NOVA2: variants seen among roughly 807,000 people sequenced by gnomAD.
NOVA2 encodes NOVA alternative splicing regulator 2.
NOVA2 carries 9 observed loss-of-function variants against 22.5 expected under a neutral mutation model. The ratio of observed to expected loss-of-function variants is 0.40; its 90% CI spans 0.24 to 0.70. The LOEUF (loss-of-function observed/expected upper bound fraction) is 0.70. Ranked by LOEUF, NOVA2 falls within the 30% of genes least tolerant of loss-of-function variation. The pLI is 0.38. For synonymous variants in NOVA2, 318 were observed against 335.2 expected (o/e 0.95, Z 0.56); for missense variants, 383 against 682.8 (o/e 0.56, Z 4.89).
In NOVA2 at chr19:45,939,828, A is replaced by C. The variant is rs769508580; in HGVS notation, c.*35T>G. 4 of 1,611,664 alleles carry C rather than the reference A, an allele frequency of 2.5e-6. No homozygotes were observed. The Admixed American group carries it at 6.7e-5, about 27-fold the overall frequency. ...AGGAGAGGGAAGAGGAGGAGATGGGAGGAGAGAAAAGGGTGGGAGCACACA... is the reference window on the plus strand; with the variant it reads ...AGGAGAGGGAAGAGGAGGAGATGGGCGGAGAGAAAAGGGTGGGAGCACACA... On this transcript the variant is annotated 3_prime_UTR_variant, in exon 4 of 4. Transcript: ENST00000263257.
intron 3 of NOVA2, among the ~76,000 whole-genome samples, chr19:45,945,835 A>T (rs1441133951): frequency 1.4e-5 from 2 of 147,718 alleles, no homozygotes; most frequent in Non-Finnish European, 3.0e-5. Context: ...TATTATTATT[A>T]TTATTTTTTT....
intron 3 of NOVA2, among the ~76,000 whole-genome samples, chr19:45,953,053 G>C (rs1280802767): frequency 2.0e-5 from 3 of 152,202 alleles, no homozygotes; most frequent in Non-Finnish European, 2.9e-5. Flanking sequence ...GAGAGAAAAC[G>C]GGAGCCAGCC....
intron 3 of NOVA2, among the ~76,000 whole-genome samples, chr19:45,947,800 C>T (rs1305922007): frequency 6.6e-6 from 1 of 152,052 alleles, no homozygotes; most frequent in East Asian, 1.9e-4. Context: ...TGTTGGCAAT[C>T]TCTTAAAAAT....
intron 1 of NOVA2, among the ~76,000 whole-genome samples, chr19:45,964,645 C>T (rs1352685355): frequency 6.6e-6 from 1 of 151,222 alleles, no homozygotes; most frequent in East Asian, 1.9e-4. Context: ...ACTGCTGCCT[C>T]GACCTCCTGG....
At chr19:45,971,708 C>T (rs1459551177) in intron 1 of NOVA2, among the ~76,000 whole-genome samples, 1 of 152,146 alleles carries the variant, frequency 6.6e-6, no homozygotes, top group South Asian at 2.1e-4. Context: ...GAAGCCATCC[C>T]TCTCCCATCC....
At chr19:45,956,913 G>A (rs141148890) in intron 2 of NOVA2, among the ~76,000 whole-genome samples, 15 of 152,316 alleles carry the variant, frequency 9.8e-5, no homozygotes, top group African/African-American at 3.4e-4. Flanking sequence ...GAACCCAGGT[G>A]TCTGGCTTCA....
chr19:45,960,628 G>T (rs559565819), intron 2 of NOVA2, among the ~76,000 whole-genome samples: 29 of 151,880 alleles, frequency 1.9e-4, no homozygotes, highest in African/African-American at 6.3e-4. Flanking sequence ...AATTCCAAAG[G>T]GGGGAGCAAG....
chr19:45,936,822 G>C lies in NOVA2; in HGVS notation c.*3041C>G, dbSNP rs1967660339. ...CAAACACTTATTAAGCACCTACTGG[G>C]TGCTGAAGAGAAGGGTGCAAGGAGG... On this transcript the variant is annotated 3_prime_UTR_variant, in exon 4 of 4. Coordinates refer to ENST00000263257, the MANE Select transcript of NOVA2 (RefSeq NM_002516.4). 6.6e-6 allele frequency: 1 copy of C among 152,134 alleles called. No homozygotes were observed. The highest frequency in any genetic ancestry group is 2.4e-5 in the African/African-American group (1 of 41,400). 9.4% of individuals were successfully genotyped at this position (152,134 alleles called of 1,614,324 possible).
At chr19:45,958,678 TG>T (rs761895075) in intron 2 of NOVA2, among the ~76,000 whole-genome samples, 18 of 152,072 alleles carry the variant, frequency 1.2e-4, no homozygotes, top group Non-Finnish European at 2.6e-4. Context: ...TGTGAGTGTG[TG>T]TGCATGCTAA....
intron 2 of NOVA2, among the ~76,000 whole-genome samples, chr19:45,958,861 G>T (rs1366655724): frequency 6.6e-6 from 1 of 152,070 alleles, no homozygotes; most frequent in Non-Finnish European, 1.5e-5. Flanking sequence ...TGCTCTGGTC[G>T]TCTCTTCCAG....
At chr19:45,941,309 A>ATAT (rs1491549589) in intron 3 of NOVA2, among the ~76,000 whole-genome samples, 21 of 129,804 alleles carry the variant, frequency 1.6e-4, no homozygotes, top group African/African-American at 5.7e-4. Flanking sequence ...AAAATAAAAT[A>ATAT]ATATATATAT....
chr19:45,939,953 G>A lies in NOVA2; in HGVS notation c.1389C>T (p.Pro463=), dbSNP rs1322672609. 4 of 1,613,888 alleles carry A rather than the reference G, an allele frequency of 2.5e-6. No homozygotes were observed. The highest frequency in any genetic ancestry group is 2.2e-5 in the South Asian group (2 of 91,088). The change falls in exon 4 of 4, where the codon CCC becomes CCT. Residue 463 remains proline (P), a synonymous_variant. Transcript: ENST00000263257. ...RNRRVTITGS[P]AATQAAQYLI... ...GGTATTGAGCGGCTTGCGTGGCCGC[G>A]GGGCTGCCCGTGATGGTGACCCGCC...
chr19:45,941,564 G>A (rs1479752620), intron 3 of NOVA2, among the ~76,000 whole-genome samples: 1 of 151,880 alleles, frequency 6.6e-6, no homozygotes, highest in Admixed American at 6.6e-5. Flanking sequence ...ATGGCCTTTT[G>A]ATATGCACCA....
At chr19:45,948,599 C>CAAA (rs1227808626) in intron 3 of NOVA2, among the ~76,000 whole-genome samples, 2 of 72,678 alleles carry the variant, frequency 2.8e-5, no homozygotes, top group African/African-American at 5.0e-5. Flanking sequence ...GACTCTGTCT[C>CAAA]AAAAAAAAAA....
intron 1 of NOVA2, among the ~76,000 whole-genome samples, chr19:45,971,315 C>T (rs1010603099): frequency 3.3e-5 from 5 of 151,974 alleles, no homozygotes; most frequent in Admixed American, 6.6e-5. Flanking sequence ...CTCTGGAGGA[C>T]GGTGGTGGAG....
intron 1 of NOVA2, among the ~76,000 whole-genome samples, chr19:45,972,405 C>A (rs948953162): frequency 1.3e-5 from 2 of 152,122 alleles, no homozygotes; most frequent in Non-Finnish European, 2.9e-5. Flanking sequence ...CTGATCTACA[C>A]GGCCTCTTCT....
At chr19:45,960,177 A>G (rs1968074210) in intron 2 of NOVA2, among the ~76,000 whole-genome samples, 1 of 151,948 alleles carries the variant, frequency 6.6e-6, no homozygotes, top group African/African-American at 2.4e-5. Flanking sequence ...GCTGAGACTT[A>G]GGAAAAAAGA....
At chr19:45,958,083 G>A (rs908847827) in intron 2 of NOVA2, among the ~76,000 whole-genome samples, 3 of 141,364 alleles carry the variant, frequency 2.1e-5, no homozygotes, top group African/African-American at 7.9e-5. Context: ...CTGCACTCCA[G>A]CCTGGTGACA....
At position 45,965,765 on chromosome 19, in the gene NOVA2, C is replaced by T. The variant is rs117643382; in HGVS notation, c.86-4612G>A. ...AAAAGTGCATTTTGCCACTGATGGG[C>T]TCTATGCCCTTGGGCAAGTCTCCTC... On this transcript the variant is annotated intron_variant, in intron 1 of 3. Transcript: ENST00000263257. Among the ~76,000 whole-genome samples the T allele has an allele frequency of 9.8e-3, 1,496 of 152,046 alleles. 9 individuals carry two copies. The highest frequency in any genetic ancestry group is 0.015 in the Admixed American group (230 of 15,294).
Sources: allele counts gnomAD v4.1 joint callset (sites outside exome capture counted in the v4.1 genomes callset), GRCh38; gene constraint gnomAD v4.1.1; transcripts MANE v1.5; gene names NCBI Gene and HGNC (gene_info 2026-07-23, HGNC 2026-07-21).